GALNT13: variants seen among roughly 807,000 people sequenced by gnomAD.
The protein encoded by GALNT13 is UDP-GalNAc:polypeptide N-acetylgalactosaminyltransferase 13.
In GALNT13, 28 loss-of-function variants were observed where a neutral mutation model predicts 64.2. The observed-to-expected ratio is 0.44, with a 90% CI of 0.32 to 0.60. The LOEUF (loss-of-function observed/expected upper bound fraction) is 0.60, where lower values mean the gene tolerates loss of function less well. GALNT13 is among the 20% of genes least tolerant of loss of function. The pLI is 0.05. For synonymous variants in GALNT13, 214 were observed against 224.6 expected (o/e 0.95, Z 0.42); for missense variants, 577 against 669.8 (o/e 0.86, Z 1.53).
intron 3 of GALNT13, among the ~76,000 whole-genome samples, chr2:154,066,291 G>T (rs1012888658): frequency 2.6e-5 from 4 of 152,124 alleles, no homozygotes; most frequent in Non-Finnish European, 5.9e-5. Context: ...AGTAGAGAGA[G>T]AGATAGAAGT....
intron 9 of GALNT13, among the ~76,000 whole-genome samples, chr2:154,390,724 A>C (rs1698750641): frequency 1.3e-5 from 2 of 152,220 alleles, no homozygotes; most frequent in Non-Finnish European, 2.9e-5. Context: ...TGAAACCTGC[A>C]AACCTGGAAT....
intron 3 of GALNT13, among the ~76,000 whole-genome samples, chr2:154,022,132 G>A (rs1438714395): frequency 1.4e-4 from 22 of 152,176 alleles, no homozygotes; most frequent in East Asian, 3.9e-4. Flanking sequence ...TTTTTGCATC[G>A]ATGTTCATCA....
At chr2:153,433,415 C>A in the GALNT13 span, among the ~76,000 whole-genome samples, 1 of 127,370 alleles carries the variant, frequency 7.9e-6, no homozygotes, top group Non-Finnish European at 1.7e-5. Context: ...ATTTTCCACT[C>A]CAAATTAGGC....
chr2:153,685,908 C>T, the GALNT13 span, among the ~76,000 whole-genome samples: 5 of 151,946 alleles, frequency 3.3e-5, no homozygotes, highest in Non-Finnish European at 5.9e-5. Context: ...GAATACCTTC[C>T]TCATTGCTTG....
intron 3 of GALNT13, among the ~76,000 whole-genome samples, chr2:154,056,570 A>G (rs17193639): frequency 0.18 from 27,763 of 152,008 alleles, 3,343 homozygotes; most frequent in Non-Finnish European, 0.26. Context: ...ACTGTACTTA[A>G]AGTTTTTGAC....
the GALNT13 span, among the ~76,000 whole-genome samples, chr2:153,567,296 C>A: frequency 2.6e-5 from 4 of 152,204 alleles, no homozygotes; most frequent in Non-Finnish European, 4.4e-5. Context: ...AAAAGATCCA[C>A]TGAAGTTGGA....
At chr2:154,188,977 A>T (rs1334099916) in intron 4 of GALNT13, among the ~76,000 whole-genome samples, 1 of 152,186 alleles carries the variant, frequency 6.6e-6, no homozygotes, top group Non-Finnish European at 1.5e-5. Context: ...CAATTATTTA[A>T]ATTTACTATG....
chr2:153,545,439 G>A, the GALNT13 span, among the ~76,000 whole-genome samples: 1 of 152,178 alleles, frequency 6.6e-6, no homozygotes, highest in Non-Finnish European at 1.5e-5. Context: ...GAAAATGCCT[G>A]CTTTGTCTTG....
the GALNT13 span, among the ~76,000 whole-genome samples, chr2:153,709,998 A>G: frequency 6.6e-6 from 1 of 152,052 alleles, no homozygotes; most frequent in South Asian, 2.1e-4. Flanking sequence ...CGCAATGTGG[A>G]AATGATGGTC....
the GALNT13 span, among the ~76,000 whole-genome samples, chr2:153,238,477 G>A: frequency 6.6e-6 from 1 of 152,006 alleles, no homozygotes; most frequent in African/African-American, 2.4e-5. Flanking sequence ...TTAGATTTAA[G>A]TCTTTAATCC....
At chr2:153,684,787 G>C in the GALNT13 span, among the ~76,000 whole-genome samples, 1 of 151,286 alleles carries the variant, frequency 6.6e-6, no homozygotes, top group South Asian at 2.1e-4. Flanking sequence ...TATTTTTCCT[G>C]ATCCTCTACT....
chr2:153,987,866 T>TA (rs1009602023), intron 3 of GALNT13, among the ~76,000 whole-genome samples: 3 of 151,910 alleles, frequency 2.0e-5, no homozygotes, highest in Non-Finnish European at 2.9e-5. Context: ...TTTGCAACAG[T>TA]ACTAAATTAA....
At chr2:153,415,814 TTA>T in the GALNT13 span, among the ~76,000 whole-genome samples, 1 of 152,208 alleles carries the variant, frequency 6.6e-6, no homozygotes, top group Non-Finnish European at 1.5e-5. Context: ...TCTATTTTTC[TTA>T]TGTTTCTCTG....
At chr2:154,017,255 A>T (rs1170634402) in intron 3 of GALNT13, among the ~76,000 whole-genome samples, 1 of 152,180 alleles carries the variant, frequency 6.6e-6, no homozygotes, top group East Asian at 1.9e-4. Flanking sequence ...ATGATATGAA[A>T]TATAATAATA....
chr2:153,679,989 C>T, the GALNT13 span, among the ~76,000 whole-genome samples: 3 of 151,770 alleles, frequency 2.0e-5, no homozygotes, highest in African/African-American at 7.3e-5. Flanking sequence ...ATAGTTTTAT[C>T]TTCAGTATAA....
chr2:153,597,087 C>T, the GALNT13 span, among the ~76,000 whole-genome samples: 7 of 152,082 alleles, frequency 4.6e-5, no homozygotes, highest in Non-Finnish European at 8.8e-5. Flanking sequence ...TATTCTACAA[C>T]AGTTTTTTTA....
the GALNT13 span, among the ~76,000 whole-genome samples, chr2:153,220,476 C>T: frequency 5.9e-5 from 9 of 152,220 alleles, no homozygotes; most frequent in Admixed American, 5.9e-4. Context: ...AGCTTGTATA[C>T]AACTTCAGTA....
At chr2:154,436,798 T>C (rs751702012) in intron 11 of GALNT13, 3 of 152,230 alleles carry the variant, frequency 2.0e-5, no homozygotes, top group Non-Finnish European at 4.4e-5. Flanking sequence ...ATATGAAGTC[T>C]GTGTTATATT....
chr2:153,862,110 C>A, the GALNT13 span, among the ~76,000 whole-genome samples: 3 of 152,122 alleles, frequency 2.0e-5, no homozygotes, highest in Non-Finnish European at 4.4e-5. Flanking sequence ...GTGAACTTTT[C>A]AAATTCAATA....
Sources: allele counts gnomAD v4.1 joint callset (sites outside exome capture counted in the v4.1 genomes callset), GRCh38; gene constraint gnomAD v4.1.1; transcripts MANE v1.5; gene names NCBI Gene and HGNC (gene_info 2026-07-23, HGNC 2026-07-21).